The following SMARCA4 variants were observed in gnomAD, a reference collection of about 807,000 sequenced individuals.
SMARCA4 encodes SWI/SNF related BAF chromatin remodeling complex subunit ATPase 4.
In SMARCA4, 31 loss-of-function variants were observed where a neutral mutation model predicts 193.9. The ratio of observed to expected loss-of-function variants is 0.16; its 90% CI spans 0.12 to 0.22. The LOEUF is 0.22. Among genes scored for constraint, SMARCA4 ranks in the 10% least tolerant of loss-of-function variants. The probability of loss-of-function intolerance (pLI) is 1.00; values close to 1 mark genes in which losing one functional copy is unlikely to be tolerated. For missense variants in SMARCA4, 1,148 were observed against 2,296.0 expected, an observed-to-expected ratio of 0.50 and a Z score of 10.22; for synonymous variants, 942 against 933.1, an observed-to-expected ratio of 1.01 and a Z score of -0.17.
intron 8 of SMARCA4, among the ~76,000 whole-genome samples, chr19:10,994,041 A>G (rs991086970): frequency 4.6e-5 from 7 of 151,362 alleles, no homozygotes; most frequent in Non-Finnish European, 8.8e-5. Context: ...TATTTTATGT[A>G]TTATATTTAT....
chr19:11,016,598 C>A (rs2089387563), intron 16 of SMARCA4, among the ~76,000 whole-genome samples: 1 of 152,066 alleles, frequency 6.6e-6, no homozygotes, highest in South Asian at 2.1e-4. Flanking sequence ...CAGTTTTTTT[C>A]AGATTTGGCC....
chr19:10,987,139 T>C lies in SMARCA4; in HGVS notation c.859+136T>C, dbSNP rs2145801985. 1.4e-6 allele frequency: 1 copy of C among 703,882 alleles called. No homozygotes were observed. Among genetic ancestry groups the C allele is most frequent in the East Asian group, 2.7e-5 (1 of 36,984 alleles). 43.6% of individuals were successfully genotyped at this position (703,882 alleles called of 1,614,324 possible). A position where few individuals can be genotyped will look rare whatever the true frequency, so the allele number is the denominator to read the frequency against. On this transcript the variant is annotated intron_variant, in intron 5 of 34. Coordinates refer to ENST00000344626, the MANE Select transcript of SMARCA4 (RefSeq NM_003072.5). The surrounding 1 kb of genome is among the most constrained non-coding windows in gnomAD (Gnocchi z 5.3). ...ACTGCAGCCTGTACTTTTCTTGTGG[T>C]GGTCCCCGGGTCTCCCCTGTAGCCA...
At chr19:10,991,925 T>G (rs2086593825) in intron 8 of SMARCA4, among the ~76,000 whole-genome samples, 1 of 152,146 alleles carries the variant, frequency 6.6e-6, no homozygotes, top group Non-Finnish European at 1.5e-5. Context: ...GTGCAGGGAC[T>G]GATCTGACTC....
chr19:10,967,686 T>TG (rs564040871), intron 1 of SMARCA4, among the ~76,000 whole-genome samples: 3 of 57,450 alleles, frequency 5.2e-5, no homozygotes, highest in Non-Finnish European at 1.2e-4. Flanking sequence ...AAATGTGTGG[T>TG]TTTTTTTTTT....
rs565056962 is a variant in SMARCA4, at chr19:11,059,011, G to A, written c.4635+122G>A. The A allele has an allele frequency of 9.9e-5, 78 of 791,050 alleles. 1 individual carries two copies. The South Asian group carries it at 1.1e-3, about 11-fold the overall frequency. The allele number at this position is 791,050 out of a possible 1,614,324, so 49.0% of individuals were successfully genotyped here. A position where few individuals can be genotyped will look rare whatever the true frequency, so the allele number is the denominator to read the frequency against. On this transcript the variant is annotated intron_variant, in intron 32 of 34. Coordinates refer to ENST00000344626, the MANE Select transcript of SMARCA4 (RefSeq NM_003072.5). ...CAAGTCCCGCTAGCTGTGGTGGTTC[G>A]TGCCTGTAATCCCAGCACTTTGGGA...
At chr19:10,982,737 C>T (rs1228739408) in intron 1 of SMARCA4, among the ~76,000 whole-genome samples, 1 of 152,076 alleles carries the variant, frequency 6.6e-6, no homozygotes, top group East Asian at 1.9e-4. Flanking sequence ...ATCTCCTGAC[C>T]TCGTGATCTG....
intron 32 of SMARCA4, 153 bp downstream of exon 32, chr19:11,059,042 A>G (rs1336416280): frequency 4.6e-6 from 3 of 656,468 alleles, no homozygotes; most frequent in Non-Finnish European, 8.3e-6. Flanking sequence ...TGGGAGGCCA[A>G]GGCGGGAGGA....
chr19:10,979,690 T>C (rs2085410547), intron 1 of SMARCA4, among the ~76,000 whole-genome samples: 1 of 149,994 alleles, frequency 6.7e-6, no homozygotes, highest in South Asian at 2.1e-4. Flanking sequence ...ATGTTACATA[T>C]ATTATATGTT....
intron 14 of SMARCA4, 190 bp downstream of exon 14, chr19:11,008,213 G>A: frequency 1.7e-6 from 1 of 596,748 alleles, no homozygotes; most frequent in East Asian, 3.4e-5. Flanking sequence ...TAGAGCAATT[G>A]CATTCGCATG....
Position 11,024,366 on chromosome 19 carries a change from G to T in SMARCA4, c.3009G>T (p.Leu1003=), listed in dbSNP as rs767353166. 6 of 1,612,946 alleles carry T rather than the reference G, an allele frequency of 3.7e-6. No homozygotes were observed. The highest frequency in any genetic ancestry group is 5.1e-6 in the Non-Finnish European group (6 of 1,179,824). Residue 1003 remains leucine, a synonymous_variant, in exon 21 of 35, where the codon CTG becomes CTT. Coordinates refer to ENST00000344626, the MANE Select transcript of SMARCA4 (RefSeq NM_003072.5). ...EYVIKCDMSA[L]QRVLYRHMQA... is the part of the protein sequence containing the mutation. ...TCATCAAGTGCGACATGTCTGCGCT[G>T]CAGCGAGTGCTCTACCGCCACATGC...
At chr19:11,029,828 T>G (rs2090518134) in intron 24 of SMARCA4, among the ~76,000 whole-genome samples, 1 of 152,092 alleles carries the variant, frequency 6.6e-6, no homozygotes, top group South Asian at 2.1e-4. Context: ...CGCCCGCCAC[T>G]ACGCCCAGCT....
In SMARCA4 at chr19:10,986,569, C is replaced by A. The variant is rs1555753804; in HGVS notation, c.736C>A (p.Pro246Thr). The A allele has an allele frequency of 1.3e-6, 2 of 1,537,278 alleles. No homozygotes were observed. The highest frequency in any genetic ancestry group is 1.7e-6 in the Non-Finnish European group (2 of 1,146,778). ...PGPGPGPGPAPPNYSRPHGMG... is the reference protein window; with the variant it reads ...PGPGPGPGPATPNYSRPHGMG... The stretch of plus-strand genomic sequence containing the variant: ...CCCCGGCCCGGGTCCCGGCCCGGCA[C>A]CTCCAAATTACAGCAGGCCTCATGG... Residue 246 changes from proline (P) to threonine (T), a missense_variant, in exon 4 of 35, where the codon CCT (proline) becomes ACT (threonine). This residue lies in a region of SMARCA4 where 257 missense variants were observed against 276.5 expected (regional missense o/e 0.93). Coordinates refer to ENST00000344626, the MANE Select transcript of SMARCA4 (RefSeq NM_003072.5). The surrounding 1 kb of genome is among the most constrained non-coding windows in gnomAD (Gnocchi z 6.7).
Position 11,060,065 on chromosome 19 carries a change from A to T in SMARCA4, c.4789A>T (p.Ile1597Phe), listed in dbSNP as rs2076773708. The T allele has an allele frequency of 6.4e-7, 1 of 1,557,812 alleles. No individual in the cohort carries two copies. The highest frequency in any genetic ancestry group is 8.7e-7 in the Non-Finnish European group (1 of 1,150,756). The change falls in exon 34 of 35, where the codon ATC (isoleucine) becomes TTC (phenylalanine). Residue 1597 changes from isoleucine (I) to phenylalanine (F), a missense_variant. Ile to Phe is a conservative substitution (Grantham distance 21). This residue lies in a region of SMARCA4 where 105 missense variants were observed against 133.7 expected (regional missense o/e 0.79). Coordinates refer to ENST00000344626, the MANE Select transcript of SMARCA4 (RefSeq NM_003072.5). ...TCCAGCTCGGTCCGTCAAAGTGAAG[A>T]TCAAGCTTGGCCGGAAGGAGAAGGC... ...ESESRSVKVK[I>F]KLGRKEKAQD...
At chr19:11,052,977 C>T (rs1320738549) in intron 30 of SMARCA4, among the ~76,000 whole-genome samples, 2 of 152,342 alleles carry the variant, frequency 1.3e-5, no homozygotes, top group East Asian at 3.9e-4. Context: ...AGACAGGAGC[C>T]ACACCTGGGT....
At chr19:10,990,800 C>T (rs2086488498) in intron 7 of SMARCA4, among the ~76,000 whole-genome samples, 1 of 152,214 alleles carries the variant, frequency 6.6e-6, no homozygotes, top group Non-Finnish European at 1.5e-5. Context: ...CTTGAGCAAT[C>T]CTCCCACCTT....
At chr19:10,969,689 C>G (rs1327986354) in intron 1 of SMARCA4, among the ~76,000 whole-genome samples, 1 of 152,170 alleles carries the variant, frequency 6.6e-6, no homozygotes. Flanking sequence ...CTCAGCCTCC[C>G]GAAGTGCTGG....
At chr19:10,995,030 C>A (rs369649184) in intron 9 of SMARCA4, 29 bp downstream of exon 9, 10 of 1,583,086 alleles carry the variant, frequency 6.3e-6, no homozygotes, top group Non-Finnish European at 8.6e-6. Context: ...GACGTGCGCT[C>A]TTCTACATGT....
intron 24 of SMARCA4, among the ~76,000 whole-genome samples, chr19:11,028,870 T>G (rs1396975173): frequency 1.3e-5 from 2 of 152,138 alleles, no homozygotes; most frequent in African/African-American, 4.8e-5. Context: ...AGCCAGTTTG[T>G]TGTTCCCTAC....
At chr19:10,998,494 T>G (rs1000254090) in intron 11 of SMARCA4, among the ~76,000 whole-genome samples, 1 of 151,630 alleles carries the variant, frequency 6.6e-6, no homozygotes, top group South Asian at 2.1e-4. Context: ...CAGCTACTCC[T>G]TTTAGTATCT....
Sources: allele counts gnomAD v4.1 joint callset (sites outside exome capture counted in the v4.1 genomes callset), GRCh38; gene constraint gnomAD v4.1.1; regional missense constraint gnomAD v4.1.1; non-coding constraint Gnocchi (gnomAD v3.1); transcripts MANE v1.5; gene names NCBI Gene and HGNC (gene_info 2026-07-23, HGNC 2026-07-21).